TLL2: variants seen among roughly 807,000 people sequenced by gnomAD.
TLL2 encodes the protein tolloid like 2, also known as tolloid-like protein 2.
Under a neutral mutation model 123.0 loss-of-function variants are expected in TLL2, and 106 were observed. The observed-to-expected ratio is 0.86, with a 90% confidence interval of 0.74 to 1.01. TLL2 has a LOEUF of 1.01. Ranked by LOEUF, TLL2 falls within the 50% of genes least tolerant of loss-of-function variation. TLL2 has a pLI of 0.00. For synonymous variants in TLL2, 494 were observed against 516.8 expected, an observed-to-expected ratio of 0.96 and a Z score of 0.60; for missense variants, 1,332 against 1,336.7, an observed-to-expected ratio of 1.00 and a Z score of 0.06.
intron 8 of TLL2, 40 bp from the exon 9 acceptor site, chr10:96,410,514 C>G: frequency 6.6e-7 from 1 of 1,524,930 alleles, no homozygotes; most frequent in Non-Finnish European, 9.1e-7. Flanking sequence ...GGCATATGCA[C>G]CTCTCCCCGC....
rs746357584 is a variant in TLL2 at position 96,378,955 on chromosome 10, G to T, written c.2320+12C>A. 52 of 1,613,610 alleles carry T rather than the reference G, an allele frequency of 3.2e-5. No individual in the cohort carries two copies. The highest frequency in any genetic ancestry group is 2.2e-5 in the Non-Finnish European group (26 of 1,179,704). ...CAGCCCGCCCCCCCAACAACTGGAGGTCCAGCCTCACCCTCTTTGCAGTCA... is the reference window on the plus strand; with the variant it reads ...CAGCCCGCCCCCCCAACAACTGGAGTTCCAGCCTCACCCTCTTTGCAGTCA... On this transcript the variant is annotated intron_variant, in intron 17 of 20. Transcript: ENST00000357947.
intron 8 of TLL2, among the ~76,000 whole-genome samples, chr10:96,412,281 T>C (rs1339472189): frequency 6.6e-6 from 1 of 152,184 alleles, no homozygotes; most frequent in African/African-American, 2.4e-5. Flanking sequence ...GCCCAGATTT[T>C]CTAAGACGGT....
At chr10:96,369,805 A>C (rs1418441068) in intron 20 of TLL2, among the ~76,000 whole-genome samples, 1 of 151,598 alleles carries the variant, frequency 6.6e-6, no homozygotes, top group Non-Finnish European at 1.5e-5. Flanking sequence ...TTGCAAAAAT[A>C]GGTGAAAGTC....
intron 2 of TLL2, among the ~76,000 whole-genome samples, chr10:96,468,942 A>T (rs577829772): frequency 6.6e-6 from 1 of 152,110 alleles, no homozygotes; most frequent in African/African-American, 2.4e-5. Context: ...GAGATGATCA[A>T]CTCCTTATGC....
Position 96,413,334 on chromosome 10 carries a change from G to A in TLL2, c.924-18C>T. 2 of 1,609,034 alleles carry A rather than the reference G, an allele frequency of 1.2e-6. No individual in the cohort carries two copies. Among genetic ancestry groups the A allele is most frequent in the Non-Finnish European group, 1.7e-6 (2 of 1,175,962 alleles). ...AAACTCCTCTACAGGAAGGAAAAAA[G>A]ACAGAAAAAGAAAAGTCAAGGCCAT... is the stretch of plus-strand genomic sequence containing the variant. On this transcript the variant is annotated intron_variant, in intron 7 of 20. Transcript: ENST00000357947.
chr10:96,371,508 C>T (rs1846084609), intron 19 of TLL2, among the ~76,000 whole-genome samples: 1 of 152,200 alleles, frequency 6.6e-6, no homozygotes, highest in Non-Finnish European at 1.5e-5. Flanking sequence ...CTCCTAGGCC[C>T]CGCTGGAGCT....
chr10:96,476,751 A>T (rs1847257020), intron 2 of TLL2, among the ~76,000 whole-genome samples: 1 of 152,102 alleles, frequency 6.6e-6, no homozygotes, highest in Non-Finnish European at 1.5e-5. Flanking sequence ...TTAAAATAAG[A>T]GAGACCACAA....
At chr10:96,470,144 C>T (rs1407016814) in intron 2 of TLL2, among the ~76,000 whole-genome samples, 1 of 152,230 alleles carries the variant, frequency 6.6e-6, no homozygotes, top group Non-Finnish European at 1.5e-5. Context: ...AAGCTAATGA[C>T]CACATGGCTA....
chr10:96,393,449 G>C (rs1241256172), intron 13 of TLL2, among the ~76,000 whole-genome samples: 1 of 152,254 alleles, frequency 6.6e-6, no homozygotes, highest in Non-Finnish European at 1.5e-5. Flanking sequence ...TCACCTGGCA[G>C]CATTGTCTCT....
At chr10:96,401,576 CAAAACAA>C (rs1401952965) in intron 10 of TLL2, among the ~76,000 whole-genome samples, 1 of 150,462 alleles carries the variant, frequency 6.6e-6, no homozygotes, top group Non-Finnish European at 1.5e-5. Flanking sequence ...AAAAAAACCT[CAAAACAA>C]AAAACAAAAC....
Position 96,487,328 on chromosome 10 carries a change from C to G in TLL2, c.176-6869G>C, listed in dbSNP as rs376503380. ...CTGGTTCCTGTCTCTCTCCCTCCCCCACCTGTCCTCATCCAGAAGACCCCA... is the reference window on the plus strand; with the variant it reads ...CTGGTTCCTGTCTCTCTCCCTCCCCGACCTGTCCTCATCCAGAAGACCCCA... On this transcript the variant is annotated intron_variant, in intron 1 of 20. Coordinates refer to ENST00000357947, the MANE Select transcript of TLL2 (RefSeq NM_012465.4). 8.5e-5 allele frequency among the ~76,000 whole-genome samples: 13 copies of G among 152,320 alleles called. No homozygotes were observed. The East Asian group carries it at 1.5e-3, about 18-fold the overall frequency.
At chr10:96,386,569 C>G (rs923730298) in intron 14 of TLL2, among the ~76,000 whole-genome samples, 3 of 152,186 alleles carry the variant, frequency 2.0e-5, no homozygotes, top group Admixed American at 6.5e-5. Context: ...GATTCATGCA[C>G]GTGGACAAGG....
intron 2 of TLL2, among the ~76,000 whole-genome samples, chr10:96,464,649 T>C (rs1312465975): frequency 6.6e-6 from 1 of 152,198 alleles, no homozygotes; most frequent in African/African-American, 2.4e-5. Context: ...CCAAGGGTCT[T>C]GCACAGTGCT....
intron 3 of TLL2, among the ~76,000 whole-genome samples, chr10:96,438,369 G>T (rs780156433): frequency 6.6e-6 from 1 of 152,130 alleles, no homozygotes; most frequent in African/African-American, 2.4e-5. Context: ...CTTCTTTGGA[G>T]TGATTGCGTA....
chr10:96,379,006 C>G lies in TLL2; in HGVS notation c.2281G>C (p.Gly761Arg). 1 of 1,614,210 alleles carries G rather than the reference C, an allele frequency of 6.2e-7. No individual in the cohort carries two copies. The highest frequency in any genetic ancestry group is 2.2e-5 in the East Asian group (1 of 44,884). Residue 761 changes from glycine (G) to arginine (R), a missense_variant, in exon 17 of 21, where the codon GGC (glycine) becomes CGC (arginine). Transcript: ENST00000357947. ...FGSYLCRCRN[G>R]YWLHENGHDC... ...TGCCCATTCTCGTGGAGCCAGTAGCCGTTTCTGCACCTGCACAGGTAGCTC... is the reference window on the plus strand; with the variant it reads ...TGCCCATTCTCGTGGAGCCAGTAGCGGTTTCTGCACCTGCACAGGTAGCTC...
intron 2 of TLL2, among the ~76,000 whole-genome samples, chr10:96,470,157 G>C (rs1170290868): frequency 6.6e-6 from 1 of 152,226 alleles, no homozygotes; most frequent in Non-Finnish European, 1.5e-5. Flanking sequence ...CATGGCTAAA[G>C]GGTCTCCTTT....
At chr10:96,478,314 C>A (rs1174921336) in intron 2 of TLL2, among the ~76,000 whole-genome samples, 1 of 152,204 alleles carries the variant, frequency 6.6e-6, no homozygotes, top group Non-Finnish European at 1.5e-5. Flanking sequence ...ACCGGGGAGA[C>A]CAAGACTCAA....
At chr10:96,385,159 A>G (rs1846222313) in intron 15 of TLL2, among the ~76,000 whole-genome samples, 1 of 152,218 alleles carries the variant, frequency 6.6e-6, no homozygotes, top group African/African-American at 2.4e-5. Context: ...GAGGAGGAGG[A>G]AAATCCTGCA....
At chr10:96,413,450 G>C in intron 7 of TLL2, 134 bp from the exon 8 acceptor site, 3 of 1,145,314 alleles carry the variant, frequency 2.6e-6, no homozygotes, top group Non-Finnish European at 2.4e-6. Context: ...TCCCAGGCTG[G>C]CATGACTGAA....
Sources: allele counts gnomAD v4.1 joint callset (sites outside exome capture counted in the v4.1 genomes callset), GRCh38; gene constraint gnomAD v4.1.1; transcripts MANE v1.5; gene names NCBI Gene and HGNC (gene_info 2026-07-23, HGNC 2026-07-21).